Variants in STK3 observed in about 807,000 individuals in gnomAD.
STK3 encodes serine/threonine kinase 3.
STK3 carries 41 observed loss-of-function variants against 58.0 expected under a neutral mutation model. That is an observed-to-expected ratio of 0.71 (90% CI 0.55 to 0.92). The LOEUF (loss-of-function observed/expected upper bound fraction) is 0.92, where lower values mean the gene tolerates loss of function less well. Ranked by LOEUF, STK3 falls within the 40% of genes least tolerant of loss-of-function variation. The pLI, the probability that STK3 is intolerant of heterozygous loss-of-function variation, is 0.00. For synonymous variants in STK3, 170 were observed against 191.0 expected (o/e 0.89, Z 0.91); for missense variants, 479 against 602.7 (o/e 0.79, Z 2.15).
At chr8:98,546,053 AC>A (rs1359491565) in intron 9 of STK3, among the ~76,000 whole-genome samples, 1 of 152,146 alleles carries the variant, frequency 6.6e-6, no homozygotes, top group Admixed American at 6.6e-5. Context: ...ACTTGTAAAA[AC>A]AAAAAACACA....
chr8:98,864,232 T>C (rs1330886977), intron 3 of STK3, among the ~76,000 whole-genome samples: 1 of 131,660 alleles, frequency 7.6e-6, no homozygotes, highest in African/African-American at 2.9e-5. Flanking sequence ...AAAGTCTCAA[T>C]CAGCTGGATT....
At chr8:98,938,968 A>G (rs147309085) in intron 1 of STK3, among the ~76,000 whole-genome samples, 2 of 152,086 alleles carry the variant, frequency 1.3e-5, no homozygotes, top group Non-Finnish European at 2.9e-5. Context: ...ATTAACAACA[A>G]CTGGCCGTGA....
At chr8:98,506,129 T>C (rs200150091) in intron 10 of STK3, among the ~76,000 whole-genome samples, 2 of 152,308 alleles carry the variant, frequency 1.3e-5, no homozygotes, top group Admixed American at 6.5e-5. Flanking sequence ...CCCTGCCAGG[T>C]TGCTGCCTTG....
intron 3 of STK3, among the ~76,000 whole-genome samples, chr8:98,857,839 A>G (rs1836737238): frequency 6.6e-6 from 1 of 152,206 alleles, no homozygotes. Flanking sequence ...TTATTACAGG[A>G]TTAAAAAAAG....
At chr8:98,836,967 TATC>T (rs1189660833) in intron 3 of STK3, among the ~76,000 whole-genome samples, 1 of 152,174 alleles carries the variant, frequency 6.6e-6, no homozygotes, top group Non-Finnish European at 1.5e-5. Context: ...AGATCAATGA[TATC>T]ATTACATATC....
downstream of STK3, among the ~76,000 whole-genome samples, chr8:98,366,587 T>C (rs1817566735): frequency 6.6e-6 from 1 of 152,252 alleles, no homozygotes; most frequent in South Asian, 2.1e-4. Flanking sequence ...CCAACATACT[T>C]ATTGAATGGT....
chr8:98,709,008 C>T lies in STK3; in HGVS notation c.352-1697G>A, dbSNP rs138765707. Among the ~76,000 whole-genome samples, 171 of 151,794 alleles carry T rather than the reference C, an allele frequency of 1.1e-3. 1 individual carries two copies. The highest frequency in any genetic ancestry group is 3.8e-3 in the African/African-American group (156 of 41,386). On this transcript the variant is annotated intron_variant, in intron 4 of 10. Transcript: ENST00000419617. ...AAATTTCTGCCTGACCCCTGACTTA[C>T]GGGAGGGCTGCAAGGAGAGAGGGGG...
chr8:98,383,569 T>C (rs1386255279), intron 1 of STK3, among the ~76,000 whole-genome samples: 1 of 152,216 alleles, frequency 6.6e-6, no homozygotes, highest in Non-Finnish European at 1.5e-5. Flanking sequence ...TGAAACGTCC[T>C]GATTTTAAAA....
At chr8:98,929,923 C>T (rs1325766270) in intron 1 of STK3, among the ~76,000 whole-genome samples, 4 of 152,198 alleles carry the variant, frequency 2.6e-5, no homozygotes, top group Admixed American at 2.0e-4. Flanking sequence ...CTGGATTAAA[C>T]AGATGTCTTT....
intron 7 of STK3, among the ~76,000 whole-genome samples, chr8:98,590,635 C>T (rs570807499): frequency 6.6e-6 from 1 of 152,308 alleles, no homozygotes; most frequent in East Asian, 1.9e-4. Context: ...CATGCACGTC[C>T]GTGTGAAGAG....
chr8:98,844,601 G>A (rs759470502), intron 3 of STK3, among the ~76,000 whole-genome samples: 1 of 152,122 alleles, frequency 6.6e-6, no homozygotes, highest in Non-Finnish European at 1.5e-5. Flanking sequence ...CAGTAGCTGG[G>A]ATTACAGGCC....
chr8:98,926,049 G>A (rs1839775966), intron 1 of STK3, among the ~76,000 whole-genome samples: 1 of 152,178 alleles, frequency 6.6e-6, no homozygotes, highest in Non-Finnish European at 1.5e-5. Flanking sequence ...AGGATGAGAA[G>A]GAAGTGAATA....
intron 4 of STK3, among the ~76,000 whole-genome samples, chr8:98,740,893 G>C (rs1563950764): frequency 6.6e-6 from 1 of 152,148 alleles, no homozygotes; most frequent in Non-Finnish European, 1.5e-5. Flanking sequence ...TAAAAGGATG[G>C]AGGAAGATCT....
chr8:98,380,963 CTTTTTTTT>C (rs33934435), intron 1 of STK3, among the ~76,000 whole-genome samples: 4 of 44,124 alleles, frequency 9.1e-5, no homozygotes, highest in South Asian at 1.3e-3. Flanking sequence ...TCTCTCTCTC[CTTTTTTTT>C]TTTTTTTTTT....
chr8:98,656,910 A>C (rs1821585381), intron 6 of STK3, among the ~76,000 whole-genome samples: 1 of 151,994 alleles, frequency 6.6e-6, no homozygotes, highest in African/African-American at 2.4e-5. Context: ...ACATATCTTT[A>C]CTCTGAAAGG....
chr8:98,731,436 G>A (rs1471468817), intron 4 of STK3, among the ~76,000 whole-genome samples: 3 of 152,040 alleles, frequency 2.0e-5, no homozygotes, highest in African/African-American at 7.2e-5. Flanking sequence ...AGAAATTCAG[G>A]GGGCCGGGCG....
chr8:98,557,833 C>T (rs1811717664), intron 8 of STK3, among the ~76,000 whole-genome samples: 1 of 152,018 alleles, frequency 6.6e-6, no homozygotes. Flanking sequence ...CATTCACAGG[C>T]ATGTTTTAAA....
At chr8:98,486,992 G>A (rs1257648235) in intron 10 of STK3, among the ~76,000 whole-genome samples, 1 of 152,094 alleles carries the variant, frequency 6.6e-6, no homozygotes, top group Non-Finnish European at 1.5e-5. Flanking sequence ...CCTCTTTCTC[G>A]AGAAAGTGAG....
rs549617412 is a variant in STK3, at chr8:98,871,017, G to A, written c.110+12630C>T. ...TTTAATCCATCTTGAATTAATTTTT[G>A]TATAAGGTTTAAGGAAGGGGATCCA... On this transcript the variant is annotated intron_variant, in intron 3 of 12. Coordinates refer to the STK3 transcript ENST00000523601. 2.4e-4 allele frequency among the ~76,000 whole-genome samples: 36 copies of A among 152,278 alleles called. 1 individual carries two copies. The highest frequency in any genetic ancestry group is 8.7e-4 in the African/African-American group (36 of 41,574).
Sources: allele counts gnomAD v4.1 joint callset (sites outside exome capture counted in the v4.1 genomes callset), GRCh38; gene constraint gnomAD v4.1.1; transcripts MANE v1.5; gene names NCBI Gene and HGNC (gene_info 2026-07-23, HGNC 2026-07-21).